HDAC9: variants seen among roughly 807,000 people sequenced by gnomAD.
HDAC9 encodes histone deacetylase 9.
HDAC9 carries 41 observed loss-of-function variants against 139.4 expected under a neutral mutation model. The ratio of observed to expected loss-of-function variants is 0.29; its 90% CI spans 0.23 to 0.38. The LOEUF (loss-of-function observed/expected upper bound fraction) is 0.38. Among genes scored for constraint, HDAC9 ranks in the 10% least tolerant of loss-of-function variants. HDAC9 has a pLI of 1.00. For synonymous variants in HDAC9, 517 were observed against 476.2 expected, an observed-to-expected ratio of 1.09 and a Z score of -1.12; for missense variants, 1,147 against 1,297.0, an observed-to-expected ratio of 0.88 and a Z score of 1.78.
intron 6 of HDAC9, among the ~76,000 whole-genome samples, chr7:18,621,650 G>A (rs1324507873): frequency 6.6e-6 from 1 of 152,036 alleles, no homozygotes; most frequent in Non-Finnish European, 1.5e-5. Flanking sequence ...ATACTGTTAA[G>A]TGGTTATAAT....
At chr7:18,407,693 C>G (rs1651879730) in intron 1 of HDAC9, among the ~76,000 whole-genome samples, 1 of 152,162 alleles carries the variant, frequency 6.6e-6, no homozygotes, top group Non-Finnish European at 1.5e-5. Flanking sequence ...CACTAGGATG[C>G]ACCATTCGAT....
At chr7:18,335,105 G>C (rs1237018991) in intron 1 of HDAC9, among the ~76,000 whole-genome samples, 1 of 151,434 alleles carries the variant, frequency 6.6e-6, no homozygotes, top group Non-Finnish European at 1.5e-5. Flanking sequence ...AAGGGATTAA[G>C]AGAAAGTCTT....
intron 2 of HDAC9, among the ~76,000 whole-genome samples, chr7:18,235,452 A>G (rs1018758605): frequency 6.6e-6 from 1 of 152,190 alleles, no homozygotes; most frequent in African/African-American, 2.4e-5. Flanking sequence ...GGGGTTAGGA[A>G]GAGATGTACA....
chr7:18,712,744 A>T (rs1784436134), intron 12 of HDAC9, among the ~76,000 whole-genome samples: 2 of 152,224 alleles, frequency 1.3e-5, no homozygotes, highest in South Asian at 4.1e-4. Flanking sequence ...TTGCTTATTG[A>T]GCCTACAAGT....
chr7:18,346,086 G>T (rs1782399986), intron 1 of HDAC9, among the ~76,000 whole-genome samples: 1 of 152,002 alleles, frequency 6.6e-6, no homozygotes. Flanking sequence ...CTGAATTTTT[G>T]AATGCTAAAT....
intron 24 of HDAC9, among the ~76,000 whole-genome samples, chr7:18,974,839 G>C (rs1228741622): frequency 6.6e-6 from 1 of 152,156 alleles, no homozygotes; most frequent in Non-Finnish European, 1.5e-5. Flanking sequence ...GCAGTGCTGG[G>C]TCCAGAACCC....
intron 8 of HDAC9, among the ~76,000 whole-genome samples, chr7:18,635,822 G>T (rs1029529799): frequency 6.6e-6 from 1 of 152,052 alleles, no homozygotes; most frequent in Non-Finnish European, 1.5e-5. Flanking sequence ...TCCAGCCTCT[G>T]TTAGAACACT....
intron 17 of HDAC9, among the ~76,000 whole-genome samples, chr7:18,794,322 G>C (rs535943207): frequency 5.3e-4 from 28 of 52,348 alleles, no homozygotes; most frequent in Non-Finnish European, 2.4e-4. Flanking sequence ...GTGAAACCAA[G>C]ATAAAATGTA....
At chr7:18,263,130 C>G (rs572283346) in intron 2 of HDAC9, among the ~76,000 whole-genome samples, 6 of 152,074 alleles carry the variant, frequency 3.9e-5, no homozygotes, top group African/African-American at 1.4e-4. Context: ...GATTCAGAGA[C>G]ACAAATTAGT....
chr7:18,163,694 A>G (rs1350292541), intron 2 of HDAC9, among the ~76,000 whole-genome samples: 1 of 152,166 alleles, frequency 6.6e-6, no homozygotes, highest in East Asian at 1.9e-4. Context: ...GTCTAGTACT[A>G]TTATTCTTTC....
At chr7:18,915,620 A>G (rs1803121978) in intron 22 of HDAC9, among the ~76,000 whole-genome samples, 1 of 146,358 alleles carries the variant, frequency 6.8e-6, no homozygotes, top group African/African-American at 2.5e-5. Flanking sequence ...GTTGCAGCTT[A>G]ATTTCTTTAT....
chr7:18,424,973 A>G (rs1789979111), intron 1 of HDAC9, among the ~76,000 whole-genome samples: 1 of 152,170 alleles, frequency 6.6e-6, no homozygotes, highest in African/African-American at 2.4e-5. Flanking sequence ...AGAATATTCT[A>G]TTATTGTATA....
chr7:18,444,176 T>C (rs1792068329), intron 1 of HDAC9, among the ~76,000 whole-genome samples: 1 of 151,390 alleles, frequency 6.6e-6, no homozygotes, highest in Non-Finnish European at 1.5e-5. Flanking sequence ...CCTTCTCTAC[T>C]AAAAATACAA....
chr7:18,282,212 C>T (rs890985067), intron 2 of HDAC9, among the ~76,000 whole-genome samples: 1 of 152,114 alleles, frequency 6.6e-6, no homozygotes, highest in Non-Finnish European at 1.5e-5. Context: ...TGACTGTCTA[C>T]AATGTGTTAG....
intron 1 of HDAC9, among the ~76,000 whole-genome samples, chr7:18,313,780 G>T (rs1407031574): frequency 6.6e-6 from 1 of 152,076 alleles, no homozygotes; most frequent in African/African-American, 2.4e-5. Context: ...AATCATGTGG[G>T]CTGCATTCTA....
intron 1 of HDAC9, among the ~76,000 whole-genome samples, chr7:18,425,280 A>T (rs1790012208): frequency 6.6e-6 from 1 of 152,200 alleles, no homozygotes; most frequent in African/African-American, 2.4e-5. Context: ...GTAGATATAG[A>T]AATAGTTGTA....
chr7:18,453,905 A>G (rs1464596480), intron 1 of HDAC9, among the ~76,000 whole-genome samples: 1 of 152,152 alleles, frequency 6.6e-6, no homozygotes, highest in East Asian at 1.9e-4. Context: ...GAAGGGACTC[A>G]GGAGCCTTGA....
At chr7:18,629,524 A>G (rs767269210) in intron 7 of HDAC9, 43 bp downstream of exon 7, 10 of 1,557,868 alleles carry the variant, frequency 6.4e-6, no homozygotes, top group Non-Finnish European at 4.3e-6. Context: ...GGGAGTAGGA[A>G]TGAAAAAAAA....
chr7:18,662,405 TGTG>T (rs1362478121), intron 11 of HDAC9, among the ~76,000 whole-genome samples: 3 of 147,920 alleles, frequency 2.0e-5, no homozygotes, highest in African/African-American at 7.6e-5. Context: ...TATGTAATGG[TGTG>T]GTGGGGGAGG....
Sources: gnomAD v4.1 joint callset for allele counts (sites outside exome capture counted in the v4.1 genomes callset) on GRCh38, gnomAD v4.1.1 for gene constraint, MANE v1.5 for transcripts, NCBI Gene and HGNC (gene_info 2026-07-23, HGNC 2026-07-21) for gene names.